RERG: variants seen among roughly 807,000 people sequenced by gnomAD.
The protein encoded by RERG is ras-related and estrogen-regulated growth inhibitor.
RERG carries 25 observed loss-of-function variants against 23.2 expected under a neutral mutation model. That is an observed-to-expected ratio of 1.08 (90% CI 0.79 to 1.50). The LOEUF (loss-of-function observed/expected upper bound fraction) is 1.50, where lower values mean the gene tolerates loss of function less well. RERG is among the 40% of genes most tolerant of loss of function. RERG has a pLI of 0.00. For missense variants in RERG, 253 were observed against 250.1 expected, an observed-to-expected ratio of 1.01 and a Z score of -0.08; for synonymous variants, 81 against 89.1, an observed-to-expected ratio of 0.91 and a Z score of 0.51.
At chr12:15,163,025 G>A (rs914288867) in intron 2 of RERG, among the ~76,000 whole-genome samples, 7 of 152,184 alleles carry the variant, frequency 4.6e-5, no homozygotes, top group Non-Finnish European at 8.8e-5. Flanking sequence ...GAAGCAATAT[G>A]AGTATTATTT....
intron 2 of RERG, among the ~76,000 whole-genome samples, chr12:15,123,596 G>T (rs1177812247): frequency 1.4e-5 from 2 of 146,620 alleles, no homozygotes; most frequent in Non-Finnish European, 3.0e-5. Context: ...TATCCCAGTT[G>T]TATAATTTAT....
At chr12:15,186,329 G>T (rs961652218) in intron 2 of RERG, among the ~76,000 whole-genome samples, 1 of 151,662 alleles carries the variant, frequency 6.6e-6, no homozygotes, top group South Asian at 2.1e-4. Context: ...AATTCATTTT[G>T]TCTGGATGTT....
chr12:15,121,453 T>C (rs1863830667), intron 2 of RERG, among the ~76,000 whole-genome samples: 1 of 152,158 alleles, frequency 6.6e-6, no homozygotes, highest in Non-Finnish European at 1.5e-5. Context: ...AATTTAGATA[T>C]AAAAGGTCAA....
At chr12:15,189,992 A>C (rs1270942539) in intron 2 of RERG, among the ~76,000 whole-genome samples, 1 of 152,202 alleles carries the variant, frequency 6.6e-6, no homozygotes, top group Non-Finnish European at 1.5e-5. Context: ...GTAGTTTACA[A>C]TGTTACACTT....
Position 15,114,082 on chromosome 12 carries a change from G to T in RERG, c.119-2665C>A, listed in dbSNP as rs149908438. On this transcript the variant is annotated intron_variant, in intron 3 of 4. Coordinates refer to ENST00000256953, the MANE Select transcript of RERG (RefSeq NM_032918.3). ...ATTAGAACCAATAAGAAAAGAATTG[G>T]CCACTAAATGCACAAAATAAAGTTG... is the stretch of plus-strand genomic sequence containing the variant. 6.2e-3 allele frequency among the ~76,000 whole-genome samples: 935 copies of T among 151,984 alleles called. 6 individuals carry two copies. Among genetic ancestry groups the T allele is most frequent in the African/African-American group, 0.022 (892 of 41,468 alleles).
intron 2 of RERG, among the ~76,000 whole-genome samples, chr12:15,187,608 T>C (rs537502431): frequency 1.3e-5 from 2 of 151,998 alleles, no homozygotes; most frequent in East Asian, 1.9e-4. Flanking sequence ...ACCCAGGCTG[T>C]AGGGCAACGG....
chr12:15,217,553 C>A lies in RERG; in HGVS notation c.-64G>T. On this transcript the variant is annotated 5_prime_UTR_variant, in exon 2 of 5. Transcript: ENST00000256953. ...AAGCACTGAGTAAATCTTTTTGGTTCCAGTCTTTGGATTCACCATATCATT... is the reference window on the plus strand; with the variant it reads ...AAGCACTGAGTAAATCTTTTTGGTTACAGTCTTTGGATTCACCATATCATT... 1 of 1,173,800 alleles carries A rather than the reference C, an allele frequency of 8.5e-7. No homozygotes were observed. Among genetic ancestry groups the A allele is most frequent in the Non-Finnish European group, 1.3e-6 (1 of 779,366 alleles). 72.7% of individuals were successfully genotyped at this position (1,173,800 alleles called of 1,614,324 possible). A position where few individuals can be genotyped will look rare whatever the true frequency, so the allele number is the denominator to read the frequency against.
At chr12:15,216,324 C>T (rs180973433) in intron 2 of RERG, among the ~76,000 whole-genome samples, 1 of 152,094 alleles carries the variant, frequency 6.6e-6, no homozygotes, top group East Asian at 1.9e-4. Flanking sequence ...GCAAACCAAA[C>T]AGAAGAAAAT....
intron 2 of RERG, among the ~76,000 whole-genome samples, chr12:15,140,314 C>A (rs1864215791): frequency 6.6e-6 from 1 of 152,068 alleles, no homozygotes; most frequent in African/African-American, 2.4e-5. Context: ...AGGAAGAGGG[C>A]CCTCACAGAT....
chr12:15,116,204 C>A (rs989519701), intron 3 of RERG, among the ~76,000 whole-genome samples: 1 of 152,148 alleles, frequency 6.6e-6, no homozygotes, highest in African/African-American at 2.4e-5. Flanking sequence ...GAAGAGCAGC[C>A]CATTCTGCAT....
In RERG at chr12:15,208,895, A is replaced by T. The variant is rs938626530; in HGVS notation, c.61+8534T>A. 2.6e-5 allele frequency among the ~76,000 whole-genome samples: 4 copies of T among 152,086 alleles called. No individual in the cohort carries two copies. In the South Asian group the frequency reaches 8.3e-4, roughly 32 times the overall value. On this transcript the variant is annotated intron_variant, in intron 2 of 4. Transcript: ENST00000256953. The stretch of plus-strand genomic sequence containing the variant: ...CTCTGATAAGGCGTAAGTCTAAGTT[A>T]TTGTCCTAAACCCTCCTCTCCTTTT...
chr12:15,136,999 T>C (rs1864154738), intron 2 of RERG, among the ~76,000 whole-genome samples: 1 of 152,088 alleles, frequency 6.6e-6, no homozygotes, highest in South Asian at 2.1e-4. Context: ...TAGCAAGGTG[T>C]TGAAGTCTCC....
chr12:15,176,445 C>T (rs562851272), intron 2 of RERG, among the ~76,000 whole-genome samples: 1 of 152,022 alleles, frequency 6.6e-6, no homozygotes, highest in East Asian at 1.9e-4. Flanking sequence ...ATGTGGTACC[C>T]AGAGCCAGAC....
rs869218147 is a variant in RERG, at chr12:15,110,463, C to CTTTTTTTTTTTT, written c.192+869_192+880dup. On this transcript the variant is annotated intron_variant, in intron 4 of 4. Transcript: ENST00000256953. The stretch of plus-strand genomic sequence containing the variant: ...CTGTCATTCCAGTGGCCATTTTTTT[C>CTTTTTTTTTTTT]TTTTTTTTTTTTTTTTTTTTTTTTT... Among the ~76,000 whole-genome samples the CTTTTTTTTTTTT allele has an allele frequency of 8.3e-4, 61 of 73,144 alleles. 9 individuals carry two copies. The highest frequency in any genetic ancestry group is 9.3e-4 in the East Asian group (2 of 2,148). 48.0% of individuals were successfully genotyped at this position (73,144 alleles called of 152,430 possible).
In RERG at chr12:15,150,610, C is replaced by CT. The variant is rs574075860; in HGVS notation, c.62-29492dup. 2.2e-3 allele frequency among the ~76,000 whole-genome samples: 338 copies of CT among 152,158 alleles called. 2 individuals carry two copies. The highest frequency in any genetic ancestry group is 2.1e-3 in the Non-Finnish European group (144 of 67,996). ...AGGGACTTAGTTTTCTCCAAAAAAC[C>CT]TTGTGTGGCAGGGCCTTTATTTTAC... On this transcript the variant is annotated intron_variant, in intron 2 of 4. Coordinates refer to ENST00000256953, the MANE Select transcript of RERG (RefSeq NM_032918.3).
intron 2 of RERG, among the ~76,000 whole-genome samples, chr12:15,210,399 G>A (rs1322593091): frequency 6.6e-6 from 1 of 152,088 alleles, no homozygotes; most frequent in Non-Finnish European, 1.5e-5. Context: ...CAAGAACAGA[G>A]ATATGTCCTT....
chr12:15,208,875 ATAAGGCG>A (rs1051192928), intron 2 of RERG, among the ~76,000 whole-genome samples: 1 of 152,120 alleles, frequency 6.6e-6, no homozygotes, highest in Non-Finnish European at 1.5e-5. Context: ...TCCTTCTCTG[ATAAGGCG>A]TAAGTCTAAG....
chr12:15,109,261 C>T lies in RERG; in HGVS notation c.449G>A (p.Cys150Tyr). 2 of 1,614,154 alleles carry T rather than the reference C, an allele frequency of 1.2e-6. No individual in the cohort carries two copies. The highest frequency in any genetic ancestry group is 1.7e-6 in the Non-Finnish European group (2 of 1,180,014). Residue 150 changes from cysteine to tyrosine, a missense_variant, in exon 5 of 5, where the codon TGC (cysteine) becomes TAC (tyrosine). Coordinates refer to ENST00000256953, the MANE Select transcript of RERG (RefSeq NM_032918.3). Reference protein sequence around the residue: ...LACAFYECSACTGEGNITEIF... With the variant: ...LACAFYECSAYTGEGNITEIF... Reference sequence around the variant, plus strand: ...CTCTGTGATGTTCCCTTCTCCAGTGCAGGCAGAGCACTCGTAAAAAGCACA... The same window carrying T: ...CTCTGTGATGTTCCCTTCTCCAGTGTAGGCAGAGCACTCGTAAAAAGCACA...
At chr12:15,164,221 G>C (rs1288537612) in intron 2 of RERG, among the ~76,000 whole-genome samples, 1 of 152,076 alleles carries the variant, frequency 6.6e-6, no homozygotes, top group Non-Finnish European at 1.5e-5. Context: ...CCATTTGTGG[G>C]GCCTAGATTC....
Sources: allele counts gnomAD v4.1 joint callset (sites outside exome capture counted in the v4.1 genomes callset), GRCh38; gene constraint gnomAD v4.1.1; transcripts MANE v1.5; gene names NCBI Gene and HGNC (gene_info 2026-07-23, HGNC 2026-07-21).